The following MAST4 variants were observed in gnomAD, a reference collection of about 807,000 sequenced individuals.
MAST4 encodes microtubule-associated serine/threonine-protein kinase 4.
In MAST4, 89 loss-of-function variants were observed where a neutral mutation model predicts 162.7. The observed-to-expected ratio is 0.55, with a 90% CI of 0.46 to 0.65. The LOEUF (loss-of-function observed/expected upper bound fraction) is 0.65. Among genes scored for constraint, MAST4 ranks in the 30% least tolerant of loss-of-function variants. The pLI is 0.00. For synonymous variants in MAST4, 1,479 were observed against 1,361.1 expected, an observed-to-expected ratio of 1.09 and a Z score of -1.91; for missense variants, 3,153 against 3,374.0, an observed-to-expected ratio of 0.93 and a Z score of 1.62.
rs180933207 is a variant in MAST4 at position 67,122,360 on chromosome 5, G to A, written c.1745+1258G>A. 1.6e-3 allele frequency among the ~76,000 whole-genome samples: 251 copies of A among 152,188 alleles called. 1 individual carries two copies. Among genetic ancestry groups the A allele is most frequent in the Admixed American group, 2.7e-3 (42 of 15,282 alleles). Reference sequence around the variant, plus strand: ...CATTAACTTAAGAACTTAAATATTTGTGAGTCCCTTCTATGCTTCACTGAT... The same window carrying A: ...CATTAACTTAAGAACTTAAATATTTATGAGTCCCTTCTATGCTTCACTGAT... On this transcript the variant is annotated intron_variant, in intron 14 of 28. Coordinates refer to ENST00000403625, the MANE Select transcript of MAST4 (RefSeq NM_001164664.2).
At chr5:66,861,249 C>G (rs954335132) in intron 3 of MAST4, among the ~76,000 whole-genome samples, 3 of 152,104 alleles carry the variant, frequency 2.0e-5, no homozygotes, top group African/African-American at 7.2e-5. Context: ...GCTTAAAATC[C>G]CTGTGAAATC....
At chr5:66,983,231 G>T (rs1045833401) in intron 4 of MAST4, among the ~76,000 whole-genome samples, 1 of 152,160 alleles carries the variant, frequency 6.6e-6, no homozygotes. Context: ...GCATTTGTGG[G>T]TGAGATCCCT....
intron 4 of MAST4, among the ~76,000 whole-genome samples, chr5:66,967,070 A>ATT (rs1746823864): frequency 6.6e-6 from 1 of 152,212 alleles, no homozygotes; most frequent in Non-Finnish European, 1.5e-5. Context: ...CCACAGAAAA[A>ATT]GCATGTTTTG....
intron 3 of MAST4, among the ~76,000 whole-genome samples, chr5:66,823,458 G>A (rs1436359397): frequency 2.6e-5 from 4 of 152,182 alleles, no homozygotes; most frequent in Non-Finnish European, 4.4e-5. Flanking sequence ...TGACCGGCAC[G>A]TAATGTGATC....
At chr5:66,782,408 A>G (rs1754919173) in intron 2 of MAST4, among the ~76,000 whole-genome samples, 1 of 152,212 alleles carries the variant, frequency 6.6e-6, no homozygotes, top group Non-Finnish European at 1.5e-5. Flanking sequence ...ATATAACCAT[A>G]CAAGGCTACA....
intron 1 of MAST4, among the ~76,000 whole-genome samples, chr5:66,722,182 A>G (rs919390109): frequency 4.6e-5 from 7 of 152,038 alleles, no homozygotes; most frequent in Admixed American, 3.9e-4. Flanking sequence ...AAATTCTTAC[A>G]TTTGACTTGG....
intron 4 of MAST4, among the ~76,000 whole-genome samples, chr5:67,003,391 A>T (rs1171972962): frequency 6.6e-6 from 1 of 152,104 alleles, no homozygotes; most frequent in Non-Finnish European, 1.5e-5. Flanking sequence ...GAAAATATTA[A>T]TGTGGGCCAC....
chr5:67,044,446 C>G (rs1202805857), intron 4 of MAST4, among the ~76,000 whole-genome samples: 1 of 152,142 alleles, frequency 6.6e-6, no homozygotes, highest in Non-Finnish European at 1.5e-5. Flanking sequence ...ACATTAATTA[C>G]TTTTTTACTT....
rs182623753 is a variant in MAST4, at chr5:67,048,864, T to A, written c.675-5540T>A. On this transcript the variant is annotated intron_variant, in intron 4 of 28. Transcript: ENST00000403625. ...CAAAGCCCAACAAGCCACTAAAAGG[T>A]AACTGTTAATTTCTTTTGTACAATT... 1.1e-3 allele frequency among the ~76,000 whole-genome samples: 169 copies of A among 150,910 alleles called. 1 individual carries two copies. The highest frequency in any genetic ancestry group is 4.0e-3 in the African/African-American group (163 of 41,160).
intron 4 of MAST4, among the ~76,000 whole-genome samples, chr5:67,009,583 C>T (rs1215451934): frequency 6.6e-6 from 1 of 152,212 alleles, no homozygotes; most frequent in East Asian, 1.9e-4. Flanking sequence ...GATTAAAATG[C>T]ATTCATATGT....
At chr5:66,759,095 G>A (rs1215371986) in intron 1 of MAST4, among the ~76,000 whole-genome samples, 1 of 152,152 alleles carries the variant, frequency 6.6e-6, no homozygotes, top group Non-Finnish European at 1.5e-5. Context: ...TCTTGTGACA[G>A]GTTTTCTTTT....
At chr5:66,618,038 G>A (rs1241052662) in intron 1 of MAST4, among the ~76,000 whole-genome samples, 1 of 151,878 alleles carries the variant, frequency 6.6e-6, no homozygotes, top group Non-Finnish European at 1.5e-5. Context: ...AGGAATGGGG[G>A]GGGGGCCCTG....
chr5:67,061,513 G>C (rs80322755), intron 5 of MAST4, among the ~76,000 whole-genome samples: 1 of 148,456 alleles, frequency 6.7e-6, no homozygotes, highest in Non-Finnish European at 1.5e-5. Context: ...ATAACAGTGA[G>C]GGTTTTTTTT....
At chr5:67,032,705 A>T (rs1755502608) in intron 4 of MAST4, among the ~76,000 whole-genome samples, 1 of 152,160 alleles carries the variant, frequency 6.6e-6, no homozygotes, top group African/African-American at 2.4e-5. Flanking sequence ...ATGTGTCAGT[A>T]TGTACAATGA....
intron 3 of MAST4, among the ~76,000 whole-genome samples, chr5:66,822,097 A>G (rs915112864): frequency 6.6e-6 from 1 of 152,206 alleles, no homozygotes; most frequent in African/African-American, 2.4e-5. Context: ...AGCTCAAGGA[A>G]GTTCAGGGAC....
At chr5:67,134,387 C>G (rs1190308783) in intron 17 of MAST4, 136 bp from the exon 18 acceptor site, 5 of 579,202 alleles carry the variant, frequency 8.6e-6, no homozygotes, top group Non-Finnish European at 1.4e-5. Flanking sequence ...AATTGGTGCT[C>G]TTAAGTTCTT....
intron 1 of MAST4, among the ~76,000 whole-genome samples, chr5:66,687,106 G>T (rs563679418): frequency 6.6e-6 from 1 of 151,946 alleles, no homozygotes; most frequent in East Asian, 1.9e-4. Flanking sequence ...TAGATTCAGT[G>T]GGTATGTGCA....
intron 1 of MAST4, among the ~76,000 whole-genome samples, chr5:66,703,393 A>T (rs1018421365): frequency 1.3e-5 from 2 of 152,210 alleles, no homozygotes; most frequent in Admixed American, 1.3e-4. Context: ...GATCATTGTC[A>T]TAAAATCACT....
At chr5:67,068,358 C>T (rs928400946) in intron 5 of MAST4, among the ~76,000 whole-genome samples, 4 of 151,972 alleles carry the variant, frequency 2.6e-5, no homozygotes, top group Non-Finnish European at 5.9e-5. Flanking sequence ...ACAATCATGG[C>T]GGAAGGTGAA....
Sources: allele counts gnomAD v4.1 joint callset (sites outside exome capture counted in the v4.1 genomes callset), GRCh38; gene constraint gnomAD v4.1.1; transcripts MANE v1.5; gene names NCBI Gene and HGNC (gene_info 2026-07-23, HGNC 2026-07-21).